RERE: variants seen among roughly 807,000 people sequenced by gnomAD.
The protein encoded by RERE is arginine-glutamic acid dipeptide repeats, also known as arginine-glutamic acid dipeptide repeats protein.
RERE carries 40 observed loss-of-function variants against 146.1 expected under a neutral mutation model. The ratio of observed to expected loss-of-function variants is 0.27; its 90% CI spans 0.21 to 0.36. The LOEUF is 0.36. Among genes scored for constraint, RERE ranks in the 10% least tolerant of loss-of-function variants. RERE has a pLI of 1.00. For synonymous variants in RERE, 1,003 were observed against 866.0 expected (o/e 1.16, Z -2.78); for missense variants, 1,933 against 2,138.7 (o/e 0.90, Z 1.90).
intron 1 of RERE, among the ~76,000 whole-genome samples, chr1:8,737,073 G>C (rs552625461): frequency 6.6e-6 from 1 of 152,254 alleles, no homozygotes; most frequent in South Asian, 2.1e-4. Context: ...TTCTGGATTA[G>C]AGTGTGCCAT....
chr1:8,648,921 A>G (rs1647456946), intron 2 of RERE, among the ~76,000 whole-genome samples: 1 of 152,202 alleles, frequency 6.6e-6, no homozygotes, highest in South Asian at 2.1e-4. Flanking sequence ...CTTTTGAAAA[A>G]AAAAATACAT....
At chr1:8,508,483 G>A (rs893970010) in intron 8 of RERE, 144 bp downstream of exon 8, 1 of 636,110 alleles carries the variant, frequency 1.6e-6, no homozygotes, top group Non-Finnish European at 2.8e-6. Flanking sequence ...GGTGATCTGA[G>A]GAGGGTGGAA....
chr1:8,605,745 CAAAAAAAA>C (rs564574812), intron 4 of RERE, among the ~76,000 whole-genome samples: 24,763 of 64,162 alleles, frequency 0.39, 3,077 homozygotes, highest in South Asian at 0.4. Flanking sequence ...ACCCCATCTC[CAAAAAAAA>C]AAAAAAAAAA....
chr1:8,487,913 G>T (rs940196137), intron 10 of RERE, among the ~76,000 whole-genome samples: 2 of 152,030 alleles, frequency 1.3e-5, no homozygotes, highest in Admixed American at 6.6e-5. Context: ...ACAAAATGTT[G>T]TAAGATCTGT....
chr1:8,410,695 A>G (rs1489766520), intron 12 of RERE, among the ~76,000 whole-genome samples: 1 of 152,208 alleles, frequency 6.6e-6, no homozygotes, highest in East Asian at 1.9e-4. Context: ...TTAACATTGA[A>G]AACACCCATC....
chr1:8,605,039 CTT>C (rs1438036983), intron 4 of RERE, among the ~76,000 whole-genome samples: 15 of 152,334 alleles, frequency 9.8e-5, no homozygotes, highest in Middle Eastern at 3.4e-3. Flanking sequence ...CACGAAATCT[CTT>C]GTCAGTCAAT....
chr1:8,446,218 G>A (rs539692757), intron 11 of RERE, among the ~76,000 whole-genome samples: 91 of 152,322 alleles, frequency 6.0e-4, no homozygotes, highest in Non-Finnish European at 9.4e-4. Flanking sequence ...TAGGGTTTCT[G>A]CAGAGATCCG....
intron 7 of RERE, among the ~76,000 whole-genome samples, chr1:8,538,209 C>G (rs990614899): frequency 6.6e-6 from 1 of 152,160 alleles, no homozygotes; most frequent in African/African-American, 2.4e-5. Flanking sequence ...CATTTCCTTT[C>G]TACATTAACT....
chr1:8,659,313 T>C (rs1305259869), intron 1 of RERE, among the ~76,000 whole-genome samples: 1 of 152,148 alleles, frequency 6.6e-6, no homozygotes, highest in Non-Finnish European at 1.5e-5. Context: ...TCCCAGCACT[T>C]TGGGAGGCTG....
intron 15 of RERE, 140 bp downstream of exon 15, chr1:8,363,916 G>A (rs912191105): frequency 5.9e-5 from 45 of 764,104 alleles, no homozygotes; most frequent in Non-Finnish European, 8.2e-5. Flanking sequence ...GCAAGCTACC[G>A]CCTCGGGCAA....
At chr1:8,770,933 G>A (rs143304457) in intron 1 of RERE, among the ~76,000 whole-genome samples, 24 of 152,090 alleles carry the variant, frequency 1.6e-4, no homozygotes, top group African/African-American at 5.8e-4. Context: ...GTTTTCTTAT[G>A]GAATACCTGT....
intron 12 of RERE, among the ~76,000 whole-genome samples, chr1:8,401,069 A>ATATATATATGTATATATATATATATG (rs761609705): frequency 1.2e-5 from 1 of 85,116 alleles, no homozygotes; most frequent in Non-Finnish European, 2.5e-5. Context: ...ATATATATAT[A>ATATATATATGTATATATATATATATG]TATGTCACTT....
intron 12 of RERE, among the ~76,000 whole-genome samples, chr1:8,375,282 G>T (rs1642195244): frequency 6.6e-6 from 1 of 152,164 alleles, no homozygotes; most frequent in African/African-American, 2.4e-5. Flanking sequence ...GCCATGTAAG[G>T]TCATTAGAAG....
At chr1:8,569,462 G>A (rs1365181653) in intron 4 of RERE, among the ~76,000 whole-genome samples, 1 of 152,112 alleles carries the variant, frequency 6.6e-6, no homozygotes, top group Non-Finnish European at 1.5e-5. Flanking sequence ...TAATGAGCAG[G>A]ATGTCAAAGA....
chr1:8,805,002 T>G (rs1009192213), intron 1 of RERE, among the ~76,000 whole-genome samples: 15 of 106,848 alleles, frequency 1.4e-4, no homozygotes, highest in South Asian at 5.6e-4. Context: ...TTTTGTTTTG[T>G]TTTTGGTTTT....
intron 7 of RERE, among the ~76,000 whole-genome samples, chr1:8,527,311 A>C (rs866826342): frequency 5.3e-5 from 8 of 152,248 alleles, no homozygotes; most frequent in Non-Finnish European, 7.3e-5. Flanking sequence ...ACATATTCCC[A>C]AAACTGCTGT....
At chr1:8,437,563 T>C (rs888482470) in intron 11 of RERE, among the ~76,000 whole-genome samples, 9 of 152,112 alleles carry the variant, frequency 5.9e-5, no homozygotes, top group African/African-American at 1.9e-4. Flanking sequence ...GGGCTGGTAA[T>C]GGGCCCCACC....
At chr1:8,701,289 C>T (rs1031646682) in intron 1 of RERE, among the ~76,000 whole-genome samples, 13 of 65,400 alleles carry the variant, frequency 2.0e-4, no homozygotes, top group African/African-American at 1.0e-3. Flanking sequence ...GAGGGGAATA[C>T]ACACACACAC....
chr1:8,586,221 ACATAT>A (rs1471817369), intron 4 of RERE, among the ~76,000 whole-genome samples: 1 of 152,242 alleles, frequency 6.6e-6, no homozygotes, highest in East Asian at 1.9e-4. Flanking sequence ...GATTCAGAAG[ACATAT>A]CATATGCATA....
Sources: allele counts gnomAD v4.1 joint callset (sites outside exome capture counted in the v4.1 genomes callset), GRCh38; gene constraint gnomAD v4.1.1; transcripts MANE v1.5; gene names NCBI Gene and HGNC (gene_info 2026-07-23, HGNC 2026-07-21).